NPEPL1: variants seen among roughly 807,000 people sequenced by gnomAD.
The protein encoded by NPEPL1 is probable aminopeptidase NPEPL1.
NPEPL1 carries 45 observed loss-of-function variants against 52.4 expected under a neutral mutation model. The observed-to-expected ratio is 0.86, with a 90% CI of 0.68 to 1.10. The LOEUF is 1.10. Among genes scored for constraint, NPEPL1 ranks in the 50% least tolerant of loss-of-function variants. NPEPL1 has a pLI of 0.00. For missense variants in NPEPL1, 696 were observed against 710.9 expected, an observed-to-expected ratio of 0.98 and a Z score of 0.24; for synonymous variants, 360 against 314.7, an observed-to-expected ratio of 1.14 and a Z score of -1.52.
rs763827964 is a variant in NPEPL1 at position 58,694,470 on chromosome 20, C to T, written c.385C>T (p.Arg129Trp). 31 of 1,613,704 alleles carry T rather than the reference C, an allele frequency of 1.9e-5. No homozygotes were observed. The highest frequency in any genetic ancestry group is 1.6e-4 in the South Asian group (15 of 91,064). Residue 129 changes from arginine to tryptophan, a missense_variant, in exon 3 of 12, where the codon CGG becomes TGG. Transcript: ENST00000356091. ...EVFASACALA[R>W]AFPLFTHRSG... is the part of the protein sequence containing the mutation. Reference sequence around the variant, plus strand: ...CTTTGCTTCCGCCTGTGCCCTGGCCCGGGCCTTCCCGCTGTTCACCCACCG... The same window carrying T: ...CTTTGCTTCCGCCTGTGCCCTGGCCTGGGCCTTCCCGCTGTTCACCCACCG...
At chr20:58,699,861 TACAAA>T (rs2084577712) in intron 5 of NPEPL1, among the ~76,000 whole-genome samples, 1 of 152,206 alleles carries the variant, frequency 6.6e-6, no homozygotes, top group South Asian at 2.1e-4. Flanking sequence ...TATGTGTGGC[TACAAA>T]ACAAATCACT....
In NPEPL1 at chr20:58,705,888, C is replaced by T. The variant is rs759161122; in HGVS notation, c.823-1235C>T. On this transcript the variant is annotated intron_variant, in intron 6 of 11. Coordinates refer to ENST00000356091, the MANE Select transcript of NPEPL1 (RefSeq NM_024663.4). ...CTGTGCTTTCTCAAACAGATTAGCTCAGAAGAGATGGCTTATTTTCAGTAG... is the reference window on the plus strand; with the variant it reads ...CTGTGCTTTCTCAAACAGATTAGCTTAGAAGAGATGGCTTATTTTCAGTAG... Among the ~76,000 whole-genome samples the T allele has an allele frequency of 4.8e-4, 73 of 152,174 alleles. 1 individual carries two copies. The highest frequency in any genetic ancestry group is 2.4e-4 in the Non-Finnish European group (16 of 68,046).
chr20:58,694,321 CT>C, intron 2 of NPEPL1, 100 bp from the exon 3 acceptor site: 2 of 1,255,548 alleles, frequency 1.6e-6, no homozygotes, highest in South Asian at 2.9e-5. Flanking sequence ...TAGATGTCAC[CT>C]GCCAGGGAGC....
chr20:58,709,865 G>A (rs1299111849), intron 7 of NPEPL1, among the ~76,000 whole-genome samples: 1 of 152,154 alleles, frequency 6.6e-6, no homozygotes, highest in Non-Finnish European at 1.5e-5. Flanking sequence ...TTGATGTGTG[G>A]TCTGATCTGA....
chr20:58,691,693 C>CTTTTTTTTTTTTTTTTCTTTTT, upstream of NPEPL1: 1 of 561,314 alleles, frequency 1.8e-6, no homozygotes, highest in Non-Finnish European at 2.9e-6. Context: ...TTTTTCTTTT[C>CTTTTTTTTTTTTTTTTCTTTTT]TTTTTTTTTT....
intron 2 of NPEPL1, 116 bp from the exon 3 acceptor site, chr20:58,694,306 C>G: frequency 9.4e-7 from 1 of 1,066,136 alleles, no homozygotes; most frequent in Non-Finnish European, 1.3e-6. Flanking sequence ...TGGGACATCT[C>G]TGTCTAGATG....
chr20:58,701,932 G>A (rs1219127798), intron 6 of NPEPL1, among the ~76,000 whole-genome samples: 2 of 152,128 alleles, frequency 1.3e-5, no homozygotes, highest in African/African-American at 2.4e-5. Context: ...GAGTCTGCCC[G>A]CCCCAGCAAG....
rs2084383725 is a variant in NPEPL1, at chr20:58,692,888, G to A, written c.-13G>A. 2 of 1,042,322 alleles carry A rather than the reference G, an allele frequency of 1.9e-6. No homozygotes were observed. Among genetic ancestry groups the A allele is most frequent in the Non-Finnish European group, 2.3e-6 (2 of 864,624 alleles). The allele number at this position is 1,042,322 out of a possible 1,614,324, so 64.6% of individuals were successfully genotyped here. ...CCGGGCCGGGCAGGGCCGGGGCGTGGGCCGGCAGGAAGATGGCGAACGTGG... is the reference window on the plus strand; with the variant it reads ...CCGGGCCGGGCAGGGCCGGGGCGTGAGCCGGCAGGAAGATGGCGAACGTGG... On this transcript the variant is annotated 5_prime_UTR_variant, in exon 1 of 12. Coordinates refer to ENST00000356091, the MANE Select transcript of NPEPL1 (RefSeq NM_024663.4). The surrounding 1 kb of genome is among the most constrained non-coding windows in gnomAD (Gnocchi z 5.7).
At position 58,713,892 on chromosome 20, in the gene NPEPL1, G is replaced by T; in HGVS notation, c.1126-25G>T. The T allele has an allele frequency of 6.9e-7, 1 of 1,440,716 alleles. No individual in the cohort carries two copies. Among genetic ancestry groups the T allele is most frequent in the Non-Finnish European group, 9.1e-7 (1 of 1,100,032 alleles). The allele number at this position is 1,440,716 out of a possible 1,614,324, so 89.2% of individuals were successfully genotyped here. On this transcript the variant is annotated intron_variant, in intron 9 of 11. Coordinates refer to ENST00000356091, the MANE Select transcript of NPEPL1 (RefSeq NM_024663.4). The surrounding 1 kb of genome is among the most constrained non-coding windows in gnomAD (Gnocchi z 4.6). ...TTCTCTCCTGCCGTCCCGTCCACAC[G>T]CTTCCCGGGTTCCTGCCCGCCCAGG...
intron 6 of NPEPL1, chr20:58,705,613 A>C (rs1343129952): frequency 2.3e-6 from 1 of 442,438 alleles, no homozygotes; most frequent in Non-Finnish European, 4.6e-6. Context: ...GTCTTAAATC[A>C]CTGCGAAAAT....
chr20:58,697,720 C>T (rs943669019), intron 3 of NPEPL1, among the ~76,000 whole-genome samples: 1 of 152,184 alleles, frequency 6.6e-6, no homozygotes, highest in Non-Finnish European at 1.5e-5. Flanking sequence ...TGGGGATGCA[C>T]AGTGGGGAAC....
upstream of NPEPL1, chr20:58,692,226 G>A (rs1568844580): frequency 8.1e-6 from 2 of 246,994 alleles, no homozygotes; most frequent in South Asian, 1.4e-4. This position sits in a 1 kb window ranked among gnomAD's most constrained non-coding sequence, Gnocchi z 5.7. Context: ...CTCACATCCA[G>A]GGCAGTGCCT....
At position 58,692,952 on chromosome 20, in the gene NPEPL1, C is replaced by T; in HGVS notation, c.52C>T (p.Gln18Ter). ...GGCGAGCGCGGGGGACTCGGACCCA[C>T]AGAGCCGGCCCCTGCTGCTGCTCGG... is the stretch of plus-strand genomic sequence containing the variant. ...FQASAGDSDP[Q>*]SRPLLLLGQL... The change falls in exon 1 of 12, where the codon CAG (glutamine) becomes TAG (stop). Residue 18 changes from glutamine (Q) to a stop codon, truncating the protein, a stop_gained. Transcript: ENST00000356091. LOFTEE classifies it high-confidence loss of function. The surrounding 1 kb of genome is among the most constrained non-coding windows in gnomAD (Gnocchi z 5.7). The T allele has an allele frequency of 8.5e-7, 1 of 1,177,292 alleles. No homozygotes were observed. The highest frequency in any genetic ancestry group is 1.1e-6 in the Non-Finnish European group (1 of 935,376). 72.9% of individuals were successfully genotyped at this position (1,177,292 alleles called of 1,614,324 possible).
chr20:58,692,267 A>G (rs1601086561), upstream of NPEPL1: 1 of 188,930 alleles, frequency 5.3e-6, no homozygotes, highest in Middle Eastern at 2.3e-3. The surrounding 1 kb of genome is among the most constrained non-coding windows in gnomAD (Gnocchi z 5.7). Flanking sequence ...ACGCCAGGGA[A>G]CCTCCGATTA....
Position 58,715,525 on chromosome 20 carries a change from G to A in NPEPL1, c.*199G>A. ...ACGGGGAGGGGACCGGGAAGCGCTGGGGCTTGTTTCTGTTTGTTACTTACA... is the reference window on the plus strand; with the variant it reads ...ACGGGGAGGGGACCGGGAAGCGCTGAGGCTTGTTTCTGTTTGTTACTTACA... On this transcript the variant is annotated 3_prime_UTR_variant, in exon 12 of 12. Coordinates refer to ENST00000356091, the MANE Select transcript of NPEPL1 (RefSeq NM_024663.4). 3.6e-6 allele frequency: 2 copies of A among 556,126 alleles called. No homozygotes were observed. The highest frequency in any genetic ancestry group is 6.1e-6 in the Non-Finnish European group (2 of 326,452). The allele number at this position is 556,126 out of a possible 1,614,324, so 34.4% of individuals were successfully genotyped here.
chr20:58,704,356 C>G (rs2084696705), intron 6 of NPEPL1: 1 of 985,290 alleles, frequency 1.0e-6, no homozygotes, highest in African/African-American at 1.7e-5. Flanking sequence ...GACTAGCAGG[C>G]CTCAAATGCA....
Position 58,715,189 on chromosome 20 carries a change from G to A in NPEPL1, c.1435G>A (p.Gly479Ser), listed in dbSNP as rs190359663. Reference sequence around the variant, plus strand: ...GCAGGGTGAGCGAGCCACAGGCTTCGGTGTGGCCCTCCTGCTGGCGCTCTT... The same window carrying A: ...GCAGGGTGAGCGAGCCACAGGCTTCAGTGTGGCCCTCCTGCTGGCGCTCTT... The part of the protein sequence containing the change: ...VHAGERATGF[G>S]VALLLALFGR... The change falls in exon 12 of 12, where the codon GGT becomes AGT. Residue 479 changes from glycine to serine, a missense_variant. Gly to Ser is a moderately conservative substitution (Grantham distance 56). Coordinates refer to ENST00000356091, the MANE Select transcript of NPEPL1 (RefSeq NM_024663.4). 1.2e-5 allele frequency: 19 copies of A among 1,606,818 alleles called. 1 individual carries two copies. In the South Asian group the frequency reaches 1.3e-4, roughly 11 times the overall value.
At chr20:58,699,110 T>A (rs1313025280) in intron 4 of NPEPL1, 87 bp from the exon 5 acceptor site, 7 of 1,289,302 alleles carry the variant, frequency 5.4e-6, no homozygotes, top group South Asian at 1.3e-5. Flanking sequence ...AGGCAGCGGT[T>A]CATCCCTGGC....
chr20:58,693,735 A>G lies in NPEPL1; in HGVS notation c.151-2A>G. ...GTGTCTTGTCTCTCCCTTCTGATCT[A>G]GCTCTGGCAGGCTGCCCTGAGCACG... is the stretch of plus-strand genomic sequence containing the variant. On this transcript the variant is annotated splice_acceptor_variant, in intron 1 of 11. Coordinates refer to ENST00000356091, the MANE Select transcript of NPEPL1 (RefSeq NM_024663.4). LOFTEE classifies it high-confidence loss of function. The G allele has an allele frequency of 6.2e-7, 1 of 1,600,952 alleles. No homozygotes were observed. Among genetic ancestry groups the G allele is most frequent in the East Asian group, 2.3e-5 (1 of 44,362 alleles).
Sources: gnomAD v4.1 joint callset for allele counts (sites outside exome capture counted in the v4.1 genomes callset) on GRCh38, gnomAD v4.1.1 for gene constraint, Gnocchi (gnomAD v3.1) non-coding constraint, MANE v1.5 for transcripts, NCBI Gene and HGNC (gene_info 2026-07-23, HGNC 2026-07-21) for gene names.